Variants in EFCAB6 observed in about 807,000 individuals in gnomAD.
The protein encoded by EFCAB6 is EF-hand calcium binding domain 6.
In EFCAB6, 156 loss-of-function variants were observed where a neutral mutation model predicts 169.8. That is an observed-to-expected ratio of 0.92 (90% CI 0.81 to 1.05). EFCAB6 has a LOEUF of 1.05. Among genes scored for constraint, EFCAB6 ranks in the 50% least tolerant of loss-of-function variants. EFCAB6 has a pLI of 0.00. For missense variants in EFCAB6, 1,800 were observed against 1,829.1 expected, an observed-to-expected ratio of 0.98 and a Z score of 0.29; for synonymous variants, 698 against 676.4, an observed-to-expected ratio of 1.03 and a Z score of -0.50.
chr22:43,781,712 T>G (rs762710501), intron 3 of EFCAB6, among the ~76,000 whole-genome samples: 1 of 152,042 alleles, frequency 6.6e-6, no homozygotes, highest in Non-Finnish European at 1.5e-5. Context: ...CTAAGAACTT[T>G]AAGTAAAAAT....
chr22:43,646,930 G>A (rs892892969), intron 17 of EFCAB6, among the ~76,000 whole-genome samples: 29 of 152,176 alleles, frequency 1.9e-4, no homozygotes, highest in Non-Finnish European at 3.8e-4. Flanking sequence ...ATTTAACTGT[G>A]CATATTCTTT....
chr22:43,629,255 C>G (rs529627992), intron 19 of EFCAB6, among the ~76,000 whole-genome samples: 1 of 152,324 alleles, frequency 6.6e-6, no homozygotes, highest in South Asian at 2.1e-4. Flanking sequence ...TTCAGCTTCC[C>G]CAATGTTAGT....
Position 43,711,486 on chromosome 22 carries a change from C to G in EFCAB6, c.1020G>C (p.Gln340His), listed in dbSNP as rs748550881. ...AATGAGACTCTTACCTTTTCATTAA[C>G]TGGATAAAAATTCTTCTTGGTATTT... ...VYQIPRRIFI[Q>H]LMKRFGLKAT... Residue 340 changes from glutamine to histidine, a missense_variant, in exon 10 of 32, where the codon CAG becomes CAC. Coordinates refer to ENST00000262726, the MANE Select transcript of EFCAB6 (RefSeq NM_022785.4). The G allele has an allele frequency of 3.8e-6, 6 of 1,579,902 alleles. No homozygotes were observed. In the African/African-American group the frequency reaches 5.5e-5, roughly 15 times the overall value.
rs576044066 is a variant in EFCAB6 at position 43,699,722 on chromosome 22, T to C, written c.1031+11753A>G. Among the ~76,000 whole-genome samples, 4 of 152,332 alleles carry C rather than the reference T, an allele frequency of 2.6e-5. No individual in the cohort carries two copies. In the East Asian group the frequency reaches 7.7e-4, roughly 29 times the overall value. ...TTTTCTCCTTTTCCAAAATGTCATA[T>C]AAGTAGAAGAGATCCTAAACACGTG... is the stretch of plus-strand genomic sequence containing the variant. On this transcript the variant is annotated intron_variant, in intron 10 of 31. Transcript: ENST00000262726.
At chr22:43,635,957 C>T (rs1390941657) in intron 17 of EFCAB6, among the ~76,000 whole-genome samples, 1 of 152,202 alleles carries the variant, frequency 6.6e-6, no homozygotes, top group Non-Finnish European at 1.5e-5. Context: ...TGGATGTGAG[C>T]CACCCACAGA....
At chr22:43,740,582 T>C (rs1055968680) in intron 6 of EFCAB6, among the ~76,000 whole-genome samples, 8 of 152,234 alleles carry the variant, frequency 5.3e-5, no homozygotes, top group Non-Finnish European at 1.2e-4. Context: ...ATGTCTGTTA[T>C]GTGCAGAGCC....
intron 10 of EFCAB6, among the ~76,000 whole-genome samples, chr22:43,703,316 G>C (rs2058833624): frequency 6.6e-6 from 1 of 152,324 alleles, no homozygotes. Context: ...GTCATTACCA[G>C]CTGTCCCATA....
In EFCAB6 at chr22:43,576,441, T is replaced by C. The variant is rs750449610; in HGVS notation, c.3276A>G (p.Thr1092=). The part of the protein sequence containing the change: ...DKEDTGFVKA[T]EFGQVLKDFC... ...AATCCTTAAGAACTTGTCCGAATTC[T>C]GTAGCCTTTACAAATCCTGTATCCT... is the stretch of plus-strand genomic sequence containing the variant. Residue 1092 remains threonine (T), a synonymous_variant, in exon 26 of 32, where the codon ACA becomes ACG. Transcript: ENST00000262726. The C allele has an allele frequency of 1.9e-6, 3 of 1,595,442 alleles. No homozygotes were observed. The East Asian group carries it at 6.8e-5, about 36-fold the overall frequency.
chr22:43,668,454 T>A (rs894956670), intron 16 of EFCAB6, among the ~76,000 whole-genome samples: 26 of 152,216 alleles, frequency 1.7e-4, no homozygotes, highest in Admixed American at 5.2e-4. Flanking sequence ...TATTAAAAAA[T>A]GTTAACTGAT....
At chr22:43,627,454 G>A (rs1433990246) in intron 19 of EFCAB6, among the ~76,000 whole-genome samples, 1 of 152,170 alleles carries the variant, frequency 6.6e-6, no homozygotes, top group Non-Finnish European at 1.5e-5. Context: ...GACAGTCCCT[G>A]CGTCCTTGGG....
At chr22:43,651,555 G>T (rs2056469682) in intron 17 of EFCAB6, among the ~76,000 whole-genome samples, 1 of 152,226 alleles carries the variant, frequency 6.6e-6, no homozygotes, top group Non-Finnish European at 1.5e-5. Context: ...GTCCCTACTG[G>T]GGCACTGCCT....
At chr22:43,743,402 G>A (rs538300583) in intron 6 of EFCAB6, among the ~76,000 whole-genome samples, 1 of 152,300 alleles carries the variant, frequency 6.6e-6, no homozygotes, top group African/African-American at 2.4e-5. Flanking sequence ...ATGATGTAGT[G>A]ACTAGTCACA....
rs561700501 is a variant in EFCAB6, at chr22:43,590,761, G to T, written c.2877-532C>A. Among the ~76,000 whole-genome samples, 531 of 142,674 alleles carry T rather than the reference G, an allele frequency of 3.7e-3. 2 individuals carry two copies. Among genetic ancestry groups the T allele is most frequent in the Middle Eastern group, 0.015 (4 of 264 alleles). The allele number at this position is 142,674 out of a possible 152,430, so 93.6% of individuals were successfully genotyped here. A position where few individuals can be genotyped will look rare whatever the true frequency, so the allele number is the denominator to read the frequency against. On this transcript the variant is annotated intron_variant, in intron 23 of 31. Transcript: ENST00000262726. ...GAAGGCCAAAAAAAAAAAAAAAAAA[G>T]ACAGTAGGTTTGTAGGTTTGTAGGT...
At chr22:43,786,958 CAT>C (rs1268124523) in intron 2 of EFCAB6, among the ~76,000 whole-genome samples, 2 of 151,928 alleles carry the variant, frequency 1.3e-5, no homozygotes, top group African/African-American at 4.8e-5. Flanking sequence ...AAAAAAAACA[CAT>C]AATAATCTCA....
intron 6 of EFCAB6, among the ~76,000 whole-genome samples, chr22:43,750,608 T>G (rs2060723379): frequency 6.6e-6 from 1 of 152,212 alleles, no homozygotes; most frequent in Non-Finnish European, 1.5e-5. Flanking sequence ...CTTGCTTGTT[T>G]TAGTAAATGG....
At chr22:43,729,982 G>A (rs1431809930) in intron 8 of EFCAB6, among the ~76,000 whole-genome samples, 1 of 151,340 alleles carries the variant, frequency 6.6e-6, no homozygotes, top group Non-Finnish European at 1.5e-5. Flanking sequence ...GCAACATAGT[G>A]AGACCCTGTC....
chr22:43,696,200 A>G (rs956594243), intron 10 of EFCAB6, among the ~76,000 whole-genome samples: 12 of 152,156 alleles, frequency 7.9e-5, no homozygotes, highest in Admixed American at 3.3e-4. Context: ...TCACATAAAA[A>G]GAGGATCAAT....
chr22:43,755,697 C>A, intron 6 of EFCAB6, 69 bp downstream of exon 6: 1 of 1,378,422 alleles, frequency 7.3e-7, no homozygotes, highest in South Asian at 1.4e-5. Context: ...CTATCATCTA[C>A]CTCCACTAAC....
intron 23 of EFCAB6, among the ~76,000 whole-genome samples, chr22:43,598,322 A>AAAAAC (rs1555953909): frequency 0.16 from 20,813 of 130,142 alleles, 2,895 homozygotes; most frequent in East Asian, 0.51. Flanking sequence ...AAAAAAAAAA[A>AAAAAC]AAAAAAAAAA....
Sources: allele counts gnomAD v4.1 joint callset (sites outside exome capture counted in the v4.1 genomes callset), GRCh38; gene constraint gnomAD v4.1.1; transcripts MANE v1.5; gene names NCBI Gene and HGNC (gene_info 2026-07-23, HGNC 2026-07-21).